The following MAP2 variants were observed in gnomAD, a reference collection of about 807,000 sequenced individuals.
The protein encoded by MAP2 is microtubule associated protein 2.
In MAP2, 14 loss-of-function variants were observed where a neutral mutation model predicts 137.6. That is an observed-to-expected ratio of 0.10 (90% confidence interval 0.07 to 0.16). The LOEUF (loss-of-function observed/expected upper bound fraction) is 0.16, where lower values mean the gene tolerates loss of function less well. Among genes scored for constraint, MAP2 ranks in the 10% least tolerant of loss-of-function variants. MAP2 has a pLI of 1.00. For missense variants in MAP2, 2,088 were observed against 2,191.5 expected, an observed-to-expected ratio of 0.95 and a Z score of 0.94; for synonymous variants, 786 against 782.3, an observed-to-expected ratio of 1.00 and a Z score of -0.08.
chr2:209,501,997 G>A (rs935076128), intron 1 of MAP2, among the ~76,000 whole-genome samples: 1 of 151,872 alleles, frequency 6.6e-6, no homozygotes, highest in African/African-American at 2.4e-5. Context: ...ATATTTAAGT[G>A]TGCAACATGT....
intron 4 of MAP2, among the ~76,000 whole-genome samples, chr2:209,626,714 C>T (rs1235274499): frequency 6.6e-6 from 1 of 152,180 alleles, no homozygotes; most frequent in Non-Finnish European, 1.5e-5. Flanking sequence ...TCTTTTGCAT[C>T]TCATCTTTAC....
Position 209,729,900 on chromosome 2 carries a change from G to A in MAP2, c.5206G>A (p.Ala1736Thr). The change falls in exon 15 of 16, where the codon GCC becomes ACC. Residue 1736 changes from alanine (A) to threonine (T), a missense_variant. By Grantham distance (58) the Ala-to-Thr change is moderately conservative (BLOSUM62 0). Coordinates refer to ENST00000682079, the MANE Select transcript of MAP2 (RefSeq NM_001375505.1). ...ESVKLDFKEKAQAKVGSLDNA... is the reference protein window; with the variant it reads ...ESVKLDFKEKTQAKVGSLDNA... Reference sequence around the variant, plus strand: ...TGTAAAACTAGATTTCAAAGAAAAGGCCCAAGCTAAAGTTGGTTCTCTTGA... The same window carrying A: ...TGTAAAACTAGATTTCAAAGAAAAGACCCAAGCTAAAGTTGGTTCTCTTGA... The A allele has an allele frequency of 6.2e-7, 1 of 1,613,876 alleles. No individual in the cohort carries two copies. The highest frequency in any genetic ancestry group is 8.5e-7 in the Non-Finnish European group (1 of 1,179,880).
intron 4 of MAP2, among the ~76,000 whole-genome samples, chr2:209,651,749 G>A (rs2094815723): frequency 6.6e-6 from 1 of 152,142 alleles, no homozygotes; most frequent in South Asian, 2.1e-4. Context: ...GGAGAGATTT[G>A]GTGCTGCAGT....
At chr2:209,663,189 C>G (rs1037163520) in intron 5 of MAP2, among the ~76,000 whole-genome samples, 1 of 152,118 alleles carries the variant, frequency 6.6e-6, no homozygotes, top group Non-Finnish European at 1.5e-5. Flanking sequence ...GTGTGTCAAG[C>G]CTTTTTCTCT....
intron 1 of MAP2, among the ~76,000 whole-genome samples, chr2:209,446,087 T>C (rs959184353): frequency 6.6e-6 from 1 of 151,794 alleles, no homozygotes; most frequent in African/African-American, 2.4e-5. Context: ...CGTAATATGG[T>C]CATAAGCTTG....
intron 1 of MAP2, among the ~76,000 whole-genome samples, chr2:209,443,539 A>G (rs1389033371): frequency 2.1e-5 from 3 of 142,960 alleles, no homozygotes; most frequent in African/African-American, 7.8e-5. Context: ...TTTTTATCAT[A>G]CTTCTTGATG....
chr2:209,707,849 G>A (rs1042004357), intron 12 of MAP2, among the ~76,000 whole-genome samples: 4 of 152,178 alleles, frequency 2.6e-5, no homozygotes, highest in Admixed American at 2.6e-4. Context: ...GTATGGAAAT[G>A]ACTCCTTAGA....
intron 13 of MAP2, among the ~76,000 whole-genome samples, chr2:209,720,401 G>A (rs915984631): frequency 1.3e-5 from 2 of 152,106 alleles, no homozygotes; most frequent in African/African-American, 4.8e-5. Context: ...CGCTTTGGGA[G>A]GCCGAGGCGG....
At chr2:209,714,737 A>G (rs958736394) in intron 13 of MAP2, among the ~76,000 whole-genome samples, 32 of 152,294 alleles carry the variant, frequency 2.1e-4, no homozygotes, top group African/African-American at 7.0e-4. Context: ...CAACCCTCAC[A>G]TTTTCACAGA....
intron 13 of MAP2, among the ~76,000 whole-genome samples, chr2:209,724,383 G>A (rs1036294922): frequency 2.6e-5 from 4 of 152,144 alleles, no homozygotes; most frequent in Non-Finnish European, 5.9e-5. Context: ...GCTAAAGGAA[G>A]CATGGTTCTT....
chr2:209,731,442 CAAA>C lies in MAP2; in HGVS notation c.*1049_*1051del, dbSNP rs1372993536. Reference sequence around the variant, plus strand: ...TACAAGTCTCTCCCGTGATGCTAGACAAAAAATTATTTTTCTTTGCTTTCACCA... The same window carrying C: ...TACAAGTCTCTCCCGTGATGCTAGACAAATTATTTTTCTTTGCTTTCACCA... On this transcript the variant is annotated 3_prime_UTR_variant, in exon 16 of 16. Coordinates refer to ENST00000682079, the MANE Select transcript of MAP2 (RefSeq NM_001375505.1). 6.6e-6 allele frequency: 1 copy of C among 152,458 alleles called. No individual in the cohort carries two copies. Among genetic ancestry groups the C allele is most frequent in the Non-Finnish European group, 1.5e-5 (1 of 68,002 alleles). The allele number at this position is 152,458 out of a possible 1,614,324, so 9.4% of individuals were successfully genotyped here.
At chr2:209,597,187 TTATAA>T (rs1307909215) in intron 3 of MAP2, among the ~76,000 whole-genome samples, 4 of 152,296 alleles carry the variant, frequency 2.6e-5, no homozygotes, top group East Asian at 3.9e-4. Context: ...TGAGATAATC[TTATAA>T]TATATTTCTA....
chr2:209,572,967 T>C (rs2074654113), intron 2 of MAP2, among the ~76,000 whole-genome samples: 1 of 152,186 alleles, frequency 6.6e-6, no homozygotes, highest in Admixed American at 6.5e-5. Flanking sequence ...TATAATACCA[T>C]GTTAATCCAT....
At chr2:209,706,847 G>A (rs746111443) in intron 12 of MAP2, among the ~76,000 whole-genome samples, 18 of 151,862 alleles carry the variant, frequency 1.2e-4, no homozygotes, top group Non-Finnish European at 2.5e-4. Context: ...CAAGAAAAGT[G>A]TTTATTATAA....
At chr2:209,520,413 C>T (rs1163587635) in intron 2 of MAP2, among the ~76,000 whole-genome samples, 2 of 151,644 alleles carry the variant, frequency 1.3e-5, no homozygotes, top group African/African-American at 4.8e-5. Context: ...TTTTTGTGTG[C>T]GAATGTAATT....
intron 5 of MAP2, among the ~76,000 whole-genome samples, chr2:209,678,100 A>G (rs763039390): frequency 4.6e-5 from 7 of 152,040 alleles, no homozygotes; most frequent in Non-Finnish European, 5.9e-5. Context: ...CCTCTCTTCT[A>G]TCCTTGAATT....
chr2:209,485,691 T>C (rs747227486), intron 1 of MAP2, among the ~76,000 whole-genome samples: 5 of 152,208 alleles, frequency 3.3e-5, no homozygotes, highest in Admixed American at 6.5e-5. Context: ...CCAACAGATA[T>C]AAGCTGTTAG....
chr2:209,553,309 C>A (rs2069669212), intron 2 of MAP2, among the ~76,000 whole-genome samples: 1 of 152,052 alleles, frequency 6.6e-6, no homozygotes, highest in Non-Finnish European at 1.5e-5. Flanking sequence ...CCGCGCCCAG[C>A]CTAAAAAGGA....
At chr2:209,646,101 C>T (rs1458986992) in intron 4 of MAP2, among the ~76,000 whole-genome samples, 4 of 151,932 alleles carry the variant, frequency 2.6e-5, no homozygotes, top group Non-Finnish European at 5.9e-5. Context: ...AGAGGCTGAG[C>T]GGGGAGAATC....
Sources: gnomAD v4.1 joint callset for allele counts (sites outside exome capture counted in the v4.1 genomes callset) on GRCh38, gnomAD v4.1.1 for gene constraint, MANE v1.5 for transcripts, NCBI Gene and HGNC (gene_info 2026-07-23, HGNC 2026-07-21) for gene names.